ESPNL: variants seen among roughly 807,000 people sequenced by gnomAD.
The protein encoded by ESPNL is espin like, also known as espin-like protein.
In ESPNL, 49 loss-of-function variants were observed where a neutral mutation model predicts 46.8. The observed-to-expected ratio is 1.05, with a 90% CI of 0.83 to 1.33. The LOEUF (loss-of-function observed/expected upper bound fraction) is 1.33, where lower values mean the gene tolerates loss of function less well. ESPNL is among the 40% of genes most tolerant of loss of function. The pLI is 0.00. For missense variants in ESPNL, 1,540 were observed against 1,436.6 expected (o/e 1.07, Z -1.16); for synonymous variants, 664 against 662.1 (o/e 1.00, Z -0.04).
At chr2:238,128,459 A>G (rs550750002) in intron 7 of ESPNL, among the ~76,000 whole-genome samples, 5 of 152,188 alleles carry the variant, frequency 3.3e-5, no homozygotes, top group East Asian at 1.9e-4. Context: ...CTCTGGTTTC[A>G]TTTCTCTGCC....
chr2:238,111,208 T>A (rs138140107), intron 4 of ESPNL, among the ~76,000 whole-genome samples: 2,719 of 152,260 alleles, frequency 0.018, 41 homozygotes, highest in Middle Eastern at 0.068. Context: ...ATTACAGGCA[T>A]GAGCTACCGT....
At chr2:238,115,406 G>C (rs551538365) in intron 4 of ESPNL, among the ~76,000 whole-genome samples, 47 of 152,350 alleles carry the variant, frequency 3.1e-4, no homozygotes, top group Non-Finnish European at 2.4e-4. Context: ...GATCAATGCA[G>C]GTGTCCTTAC....
chr2:238,118,361 GAA>G lies in ESPNL; in HGVS notation c.987+1328_987+1329del, dbSNP rs1178776227. On this transcript the variant is annotated intron_variant, in intron 5 of 8. Transcript: ENST00000343063. ...GATGGAGGAGGAATGGATGGAGGAG[GAA>G]TGGATGGAGGAGGTGGATGGAGAAG... Among the ~76,000 whole-genome samples the G allele has an allele frequency of 1.7e-3, 171 of 101,106 alleles. 1 individual carries two copies. Among genetic ancestry groups the G allele is most frequent in the Non-Finnish European group, 2.1e-3 (104 of 49,046 alleles). The allele number at this position is 101,106 out of a possible 152,430, so 66.3% of individuals were successfully genotyped here. A position where few individuals can be genotyped will look rare whatever the true frequency, so the allele number is the denominator to read the frequency against.
chr2:238,130,680 C>T lies in ESPNL; in HGVS notation c.1966C>T (p.Arg656Trp), dbSNP rs770071012. 15 of 1,562,350 alleles carry T rather than the reference C, an allele frequency of 9.6e-6. No homozygotes were observed. Among genetic ancestry groups the T allele is most frequent in the South Asian group, 5.9e-5 (5 of 85,256 alleles). ...GTGGGGGGTGTCTGTGCGGACGCTG[C>T]GGGGCAACTTCGAGTCGGCCTCTGG... Reference protein sequence around the residue: ...QEWGVSVRTLRGNFESASGPL... With the variant: ...QEWGVSVRTLWGNFESASGPL... The change falls in exon 9 of 9, where the codon CGG becomes TGG. Residue 656 changes from arginine (R) to tryptophan (W), a missense_variant. Transcript: ENST00000343063.
Position 238,107,921 on chromosome 2 carries a change from A to G in ESPNL, c.803A>G (p.Asp268Gly). The G allele has an allele frequency of 6.2e-7, 1 of 1,610,742 alleles. No individual in the cohort carries two copies. The highest frequency in any genetic ancestry group is 8.5e-7 in the Non-Finnish European group (1 of 1,179,178). The change falls in exon 4 of 9, where the codon GAC becomes GGC. Residue 268 changes from aspartate to glycine, a missense_variant. Asp to Gly is a moderately conservative substitution (Grantham distance 94). Transcript: ENST00000343063. ...LLLMGTPILR[D>G]SWGGTPLHDA... ...CTCATGGGTACCCCCATCCTGAGAG[A>G]CTCCTGGGGTGGGACCCCCCTCCAC...
rs537219475 is a variant in ESPNL, at chr2:238,126,439, AGT to A, written c.1102+1061_1102+1062del. On this transcript the variant is annotated intron_variant, in intron 6 of 8. Coordinates refer to ENST00000343063, the MANE Select transcript of ESPNL (RefSeq NM_194312.4). ...GTGTTTGTGTTTGTGTGTCTGTGTC[AGT>A]GTGTGATTGTGTCTATGTGATTGTG... Among the ~76,000 whole-genome samples the A allele has an allele frequency of 2.2e-3, 305 of 137,068 alleles. 3 individuals carry two copies. Among genetic ancestry groups the A allele is most frequent in the African/African-American group, 7.4e-3 (266 of 35,830 alleles). 89.9% of individuals were successfully genotyped at this position (137,068 alleles called of 152,430 possible).
At chr2:238,101,102 G>C (rs1038788353) in intron 1 of ESPNL, among the ~76,000 whole-genome samples, 1 of 152,190 alleles carries the variant, frequency 6.6e-6, no homozygotes, top group African/African-American at 2.4e-5. Context: ...TAGCCCTGGG[G>C]GACGGGAGTT....
chr2:238,126,430 GTC>G (rs1349058556), intron 6 of ESPNL, among the ~76,000 whole-genome samples: 6 of 151,450 alleles, frequency 4.0e-5, no homozygotes, highest in South Asian at 2.1e-4. Flanking sequence ...GTGTTTGTGT[GTC>G]TGTGTCAGTG....
chr2:238,118,765 GT>G (rs1691893764), intron 5 of ESPNL, among the ~76,000 whole-genome samples: 14 of 66,410 alleles, frequency 2.1e-4, no homozygotes, highest in East Asian at 6.9e-4. Context: ...ATGGAGGAGG[GT>G]GGATGGAGGA....
Position 238,125,305 on chromosome 2 carries a change from C to G in ESPNL, c.1023C>G (p.Phe341Leu). ...TGATGACGCCCCCACCACCACCGTT[C>G]CCCCCACCTCCACTGTTGGCCACGA... ...PLLMTPPPPP[F>L]PPPPLLATRR... is the part of the protein sequence containing the mutation. The change falls in exon 6 of 9, where the codon TTC becomes TTG. Residue 341 changes from phenylalanine (F) to leucine (L), a missense_variant. Transcript: ENST00000343063. 5 of 1,559,152 alleles carry G rather than the reference C, an allele frequency of 3.2e-6. No individual in the cohort carries two copies. Among genetic ancestry groups the G allele is most frequent in the Non-Finnish European group, 4.3e-6 (5 of 1,152,376 alleles).
At chr2:238,126,947 C>T (rs866192019) in intron 6 of ESPNL, among the ~76,000 whole-genome samples, 1 of 149,914 alleles carries the variant, frequency 6.7e-6, no homozygotes, top group Non-Finnish European at 1.5e-5. Flanking sequence ...GTGTGTGTCA[C>T]TGTTATTGTG....
rs1280630396 is a variant in ESPNL at position 238,131,669 on chromosome 2, C to T, written c.2955C>T (p.Tyr985=). The T allele has an allele frequency of 3.7e-6, 6 of 1,601,748 alleles. No individual in the cohort carries two copies. The highest frequency in any genetic ancestry group is 1.7e-4 in the Middle Eastern group (1 of 6,034). ...GSFNGEDICG[Y]INRSFAFWKE... ...TCAACGGTGAGGACATCTGCGGCTA[C>T]ATCAACCGCAGCTTTGCCTTCTGGA... The change falls in exon 9 of 9, where the codon TAC becomes TAT. Residue 985 remains tyrosine, a synonymous_variant. Coordinates refer to ENST00000343063, the MANE Select transcript of ESPNL (RefSeq NM_194312.4).
rs747287367 is a variant in ESPNL at position 238,104,719 on chromosome 2, C to A, written c.549C>A (p.His183Gln). ...TCTACCTGGCCTGCCAGGAGGGCCA[C>A]CTGCACCTGGCCCAGTTCCTGGTGA... The part of the protein sequence containing the change: ...SPLYLACQEG[H>Q]LHLAQFLVKD... The change falls in exon 3 of 9, where the codon CAC becomes CAA. Residue 183 changes from histidine to glutamine, a missense_variant. Physicochemically the swap from His to Gln is conservative, Grantham distance 24. Transcript: ENST00000343063. 3 of 1,608,304 alleles carry A rather than the reference C, an allele frequency of 1.9e-6. No homozygotes were observed. Among genetic ancestry groups the A allele is most frequent in the Non-Finnish European group, 2.5e-6 (3 of 1,178,468 alleles).
chr2:238,105,201 G>A (rs558062563), intron 3 of ESPNL, among the ~76,000 whole-genome samples: 3 of 152,192 alleles, frequency 2.0e-5, no homozygotes, highest in East Asian at 1.9e-4. Context: ...TGGGCCACTC[G>A]ACCACTTGTT....
chr2:238,116,545 G>T (rs954790483), intron 4 of ESPNL, among the ~76,000 whole-genome samples: 2 of 152,164 alleles, frequency 1.3e-5, no homozygotes, highest in Admixed American at 6.5e-5. Flanking sequence ...GTCTCTTCAC[G>T]TGCATTGATC....
intron 6 of ESPNL, 61 bp from the exon 7 acceptor site, chr2:238,127,561 G>C: frequency 1.3e-6 from 2 of 1,509,462 alleles, no homozygotes; most frequent in Non-Finnish European, 8.9e-7. Flanking sequence ...GATCCCCGAG[G>C]CTCTGGGTCT....
chr2:238,113,899 T>G (rs1156562788), intron 4 of ESPNL, among the ~76,000 whole-genome samples: 1 of 152,178 alleles, frequency 6.6e-6, no homozygotes, highest in African/African-American at 2.4e-5. Context: ...GCAAGAGCAG[T>G]TCTGAGTGCT....
At position 238,100,704 on chromosome 2, in the gene ESPNL, C is replaced by T. The variant is rs749485480; in HGVS notation, c.285C>T (p.Cys95=). 16 of 1,420,410 alleles carry T rather than the reference C, an allele frequency of 1.1e-5. No individual in the cohort carries two copies. Among genetic ancestry groups the T allele is most frequent in the South Asian group, 9.1e-5 (6 of 65,694 alleles). The allele number at this position is 1,420,410 out of a possible 1,614,324, so 88.0% of individuals were successfully genotyped here. ...GCTGGCTGGTCCGCGAGGGGGGCTGCGGTCTGCAGGTGAGCGGGGATGGGG... is the reference window on the plus strand; with the variant it reads ...GCTGGCTGGTCCGCGAGGGGGGCTGTGGTCTGCAGGTGAGCGGGGATGGGG... ...ELCWLVREGG[C]GLQDQDASGV... Residue 95 remains cysteine (C), a synonymous_variant, in exon 1 of 9, where the codon TGC becomes TGT. Coordinates refer to ENST00000343063, the MANE Select transcript of ESPNL (RefSeq NM_194312.4).
chr2:238,128,792 G>A lies in ESPNL; in HGVS notation c.1301G>A (p.Gly434Glu). ...LDGLPSGDID[G>E]LVPTRDERGQ... Reference sequence around the variant, plus strand: ...GGGCTGCCCTCAGGCGACATCGACGGGCTGGTGCCCACGCGGGATGAGCGC... The same window carrying A: ...GGGCTGCCCTCAGGCGACATCGACGAGCTGGTGCCCACGCGGGATGAGCGC... The change falls in exon 8 of 9, where the codon GGG becomes GAG. Residue 434 changes from glycine to glutamate, a missense_variant. Coordinates refer to ENST00000343063, the MANE Select transcript of ESPNL (RefSeq NM_194312.4). 1.3e-6 allele frequency: 2 copies of A among 1,572,846 alleles called. No homozygotes were observed. The highest frequency in any genetic ancestry group is 2.3e-5 in the South Asian group (2 of 85,574).
Sources: gnomAD v4.1 joint callset for allele counts (sites outside exome capture counted in the v4.1 genomes callset) on GRCh38, gnomAD v4.1.1 for gene constraint, MANE v1.5 for transcripts, NCBI Gene and HGNC (gene_info 2026-07-23, HGNC 2026-07-21) for gene names.